Variants in EIF2B3 observed in about 807,000 individuals in gnomAD.
The protein encoded by EIF2B3 is eukaryotic translation initiation factor 2B subunit gamma.
Under a neutral mutation model 54.1 loss-of-function variants are expected in EIF2B3, and 20 were observed. The observed-to-expected ratio is 0.37, with a 90% CI of 0.26 to 0.54. The LOEUF (loss-of-function observed/expected upper bound fraction) is 0.54, where lower values mean the gene tolerates loss of function less well. Ranked by LOEUF, EIF2B3 falls within the 20% of genes least tolerant of loss-of-function variation. The pLI, the probability that EIF2B3 is intolerant of heterozygous loss-of-function variation, is 0.86. For missense variants in EIF2B3, 448 were observed against 547.8 expected (o/e 0.82, Z 1.82); for synonymous variants, 153 against 188.1 (o/e 0.81, Z 1.52).
intron 1 of EIF2B3, among the ~76,000 whole-genome samples, chr1:44,985,195 C>T (rs1644559690): frequency 1.3e-5 from 2 of 152,216 alleles, no homozygotes; most frequent in Admixed American, 1.3e-4. Context: ...CTAATTGAGC[C>T]ATGCTGCTTC....
chr1:44,877,188 T>TTAA (rs1557666411), intron 8 of EIF2B3, among the ~76,000 whole-genome samples: 1 of 36,682 alleles, frequency 2.7e-5, no homozygotes, highest in East Asian at 8.8e-4. Context: ...CCAAGAATGA[T>TTAA]CAATAAAAAA....
chr1:44,943,754 G>A lies in EIF2B3; in HGVS notation c.295-2089C>T, dbSNP rs75039031. ...CTGTTATTATTAGCACTTTACCAAC[G>A]AAGAAACAGATTTATAGTAGTTATG... is the stretch of plus-strand genomic sequence containing the variant. On this transcript the variant is annotated intron_variant, in intron 3 of 11. Transcript: ENST00000360403. Among the ~76,000 whole-genome samples the A allele has an allele frequency of 5.6e-3, 854 of 152,190 alleles. 4 individuals carry two copies. Among genetic ancestry groups the A allele is most frequent in the East Asian group, 8.1e-3 (42 of 5,168 alleles).
intron 11 of EIF2B3, among the ~76,000 whole-genome samples, chr1:44,853,954 T>C (rs1654354151): frequency 5.9e-5 from 9 of 151,572 alleles, no homozygotes; most frequent in Admixed American, 5.9e-4. Context: ...TCACTGACTG[T>C]AAGAAGAGAC....
intron 5 of EIF2B3, among the ~76,000 whole-genome samples, chr1:44,912,968 A>G (rs1470867969): frequency 6.6e-6 from 1 of 152,180 alleles, no homozygotes; most frequent in Non-Finnish European, 1.5e-5. Flanking sequence ...AACTAGATAC[A>G]TTGAACAAAA....
chr1:44,917,450 G>A (rs990298066), intron 5 of EIF2B3, among the ~76,000 whole-genome samples: 1 of 146,410 alleles, frequency 6.8e-6, no homozygotes, highest in Non-Finnish European at 1.5e-5. Flanking sequence ...CCGAGATCAC[G>A]CCATTATACT....
intron 10 of EIF2B3, among the ~76,000 whole-genome samples, chr1:44,872,256 C>T (rs969967799): frequency 6.6e-6 from 1 of 151,892 alleles, no homozygotes; most frequent in Non-Finnish European, 1.5e-5. Context: ...TGGTCTCAAA[C>T]TCCTGGGCTC....
chr1:44,880,081 TG>T (rs1655341456), intron 7 of EIF2B3, 73 bp from the exon 8 acceptor site: 3 of 1,531,758 alleles, frequency 2.0e-6, no homozygotes, highest in Admixed American at 1.8e-5. Context: ...TCAGTCAAGT[TG>T]TTTTTTTGTT....
chr1:44,904,740 C>T lies in EIF2B3; in HGVS notation c.567-7296G>A, dbSNP rs554477034. Reference sequence around the variant, plus strand: ...GTGTTAGCCAGGATGGTCTCGATCTCCTGACCTCGTGATCTGCCCACCTCG... The same window carrying T: ...GTGTTAGCCAGGATGGTCTCGATCTTCTGACCTCGTGATCTGCCCACCTCG... On this transcript the variant is annotated intron_variant, in intron 5 of 11. Coordinates refer to ENST00000360403, the MANE Select transcript of EIF2B3 (RefSeq NM_020365.5). Among the ~76,000 whole-genome samples the T allele has an allele frequency of 1.2e-3, 190 of 152,262 alleles. 1 individual carries two copies. The highest frequency in any genetic ancestry group is 4.4e-3 in the African/African-American group (184 of 41,552).
chr1:44,973,714 A>G (rs942643197), intron 3 of EIF2B3, among the ~76,000 whole-genome samples: 5 of 152,090 alleles, frequency 3.3e-5, no homozygotes, highest in Admixed American at 6.6e-5. Context: ...AAAAAAAAAG[A>G]AAGACAAATA....
At chr1:44,943,414 CTAT>C (rs1644061454) in intron 3 of EIF2B3, among the ~76,000 whole-genome samples, 2 of 131,180 alleles carry the variant, frequency 1.5e-5, no homozygotes, top group Admixed American at 7.8e-5. Context: ...ATATCTATAT[CTAT>C]ATCTAAATTT....
At chr1:44,910,625 G>A (rs1400488197) in intron 5 of EIF2B3, among the ~76,000 whole-genome samples, 27 of 98,120 alleles carry the variant, frequency 2.8e-4, no homozygotes, top group Non-Finnish European at 4.1e-4. Flanking sequence ...ACCCCCCCAA[G>A]TAATGCTTTT....
In EIF2B3 at chr1:44,869,593, CTTTTTTTTTTTTTTT is replaced by C. The variant is rs60006087; in HGVS notation, c.1202+5070_1202+5084del. On this transcript the variant is annotated intron_variant, in intron 10 of 11. Transcript: ENST00000360403. ...AAAATCAGGCACAAAGAGGTAAGGC[CTTTTTTTTTTTTTTT>C]TTTTTTTTTTGAGATGGAGTCTCGC... 1.3e-4 allele frequency among the ~76,000 whole-genome samples: 9 copies of C among 71,188 alleles called. No individual in the cohort carries two copies. In the Admixed American group the frequency reaches 1.8e-3, roughly 14 times the overall value. The allele number at this position is 71,188 out of a possible 152,430, so 46.7% of individuals were successfully genotyped here. A position where few individuals can be genotyped will look rare whatever the true frequency, so the allele number is the denominator to read the frequency against.
At chr1:44,941,279 T>C (rs1379312109) in intron 4 of EIF2B3, among the ~76,000 whole-genome samples, 1 of 152,240 alleles carries the variant, frequency 6.6e-6, no homozygotes, top group East Asian at 1.9e-4. Flanking sequence ...ATGCAAATAG[T>C]TCTGAATGTT....
chr1:44,941,240 CG>C (rs1284401913), intron 4 of EIF2B3, among the ~76,000 whole-genome samples: 5 of 152,108 alleles, frequency 3.3e-5, no homozygotes, highest in Admixed American at 2.0e-4. Context: ...CTTAGATATA[CG>C]TATTCAATTA....
intron 5 of EIF2B3, among the ~76,000 whole-genome samples, chr1:44,912,216 G>C (rs939406280): frequency 6.6e-6 from 1 of 152,118 alleles, no homozygotes; most frequent in African/African-American, 2.4e-5. Context: ...AAACATCAGT[G>C]CTTGATGGAT....
At chr1:44,899,224 G>T (rs1203666554) in intron 5 of EIF2B3, among the ~76,000 whole-genome samples, 2 of 152,162 alleles carry the variant, frequency 1.3e-5, no homozygotes, top group Non-Finnish European at 2.9e-5. Context: ...ACAATTTAAT[G>T]ATTTTTAGAA....
intron 4 of EIF2B3, among the ~76,000 whole-genome samples, chr1:44,932,043 C>T (rs1178552639): frequency 5.9e-5 from 9 of 152,000 alleles, no homozygotes; most frequent in Admixed American, 1.3e-4. Flanking sequence ...ACCCAGGAGG[C>T]GGAGGTTGCA....
At chr1:44,905,107 G>A (rs1222013972) in intron 5 of EIF2B3, among the ~76,000 whole-genome samples, 1 of 152,162 alleles carries the variant, frequency 6.6e-6, no homozygotes, top group African/African-American at 2.4e-5. Context: ...CCTGATCTTG[G>A]TCACACTGTA....
intron 2 of EIF2B3, among the ~76,000 whole-genome samples, chr1:44,978,939 C>A (rs1455449759): frequency 6.6e-6 from 1 of 151,770 alleles, no homozygotes; most frequent in East Asian, 2.0e-4. Flanking sequence ...ATCTGGCCTC[C>A]CCCCAATTAA....
Sources: gnomAD v4.1 joint callset for allele counts (sites outside exome capture counted in the v4.1 genomes callset) on GRCh38, gnomAD v4.1.1 for gene constraint, MANE v1.5 for transcripts, NCBI Gene and HGNC (gene_info 2026-07-23, HGNC 2026-07-21) for gene names.